The following FRMD4A variants were observed in gnomAD, a reference collection of about 807,000 sequenced individuals.
FRMD4A encodes the protein FERM domain-containing protein 4A.
FRMD4A carries 29 observed loss-of-function variants against 129.1 expected under a neutral mutation model. That is an observed-to-expected ratio of 0.22 (90% CI 0.17 to 0.31). The LOEUF (loss-of-function observed/expected upper bound fraction) is 0.31. Ranked by LOEUF, FRMD4A falls within the 10% of genes least tolerant of loss-of-function variation. FRMD4A has a pLI of 1.00. For missense variants in FRMD4A, 1,272 were observed against 1,375.8 expected (o/e 0.92, Z 1.19); for synonymous variants, 634 against 571.6 (o/e 1.11, Z -1.56).
chr10:14,038,134 A>G (rs1179389228), intron 2 of FRMD4A, among the ~76,000 whole-genome samples: 2 of 152,184 alleles, frequency 1.3e-5, no homozygotes, highest in African/African-American at 4.8e-5. Flanking sequence ...CATCCTGGCT[A>G]ACACAGTGAA....
At chr10:13,866,998 A>G (rs553619927) in intron 2 of FRMD4A, among the ~76,000 whole-genome samples, 6 of 152,316 alleles carry the variant, frequency 3.9e-5, no homozygotes, top group African/African-American at 1.2e-4. Context: ...TGTAATGGTT[A>G]CTACAGTGGA....
intron 2 of FRMD4A, among the ~76,000 whole-genome samples, chr10:14,312,806 C>T (rs1293728975): frequency 6.6e-6 from 1 of 152,080 alleles, no homozygotes; most frequent in Non-Finnish European, 1.5e-5. Flanking sequence ...ATGGAGGCTG[C>T]AGTGAGCTGC....
At chr10:14,202,928 C>G (rs1429643430) in intron 2 of FRMD4A, among the ~76,000 whole-genome samples, 1 of 152,122 alleles carries the variant, frequency 6.6e-6, no homozygotes. Flanking sequence ...CAGGCACCAC[C>G]AAGCCTGGCT....
intron 2 of FRMD4A, among the ~76,000 whole-genome samples, chr10:14,107,273 G>GA (rs762575413): frequency 4.0e-4 from 61 of 151,986 alleles, no homozygotes; most frequent in South Asian, 6.2e-4. Flanking sequence ...TGGCTGACAG[G>GA]ATCATTTATA....
chr10:13,947,108 A>G (rs898249988), intron 2 of FRMD4A, among the ~76,000 whole-genome samples: 2 of 152,148 alleles, frequency 1.3e-5, no homozygotes, highest in African/African-American at 4.8e-5. Flanking sequence ...ACCTGAAAGG[A>G]AGAATTGCAT....
intron 12 of FRMD4A, among the ~76,000 whole-genome samples, chr10:13,713,867 T>TAC (rs369124593): frequency 4.0e-5 from 1 of 25,208 alleles, no homozygotes; most frequent in Non-Finnish European, 7.6e-5. Flanking sequence ...ATAATATATA[T>TAC]ACATATATGT....
At chr10:14,111,033 ATTTTT>A (rs774908627) in intron 2 of FRMD4A, among the ~76,000 whole-genome samples, 41 of 152,174 alleles carry the variant, frequency 2.7e-4, no homozygotes, top group Admixed American at 4.6e-4. Flanking sequence ...TACCTTCTTT[ATTTTT>A]AAGTTCAGTA....
intron 2 of FRMD4A, among the ~76,000 whole-genome samples, chr10:14,195,979 T>C (rs1030587354): frequency 6.6e-6 from 1 of 152,232 alleles, no homozygotes; most frequent in Admixed American, 6.5e-5. Flanking sequence ...ATTATGTCTC[T>C]GCATGAGATT....
intron 12 of FRMD4A, 138 bp downstream of exon 12, chr10:13,737,706 G>A (rs1437360657): frequency 5.0e-6 from 3 of 595,514 alleles, no homozygotes; most frequent in East Asian, 2.8e-5. Context: ...TTGCTGTGGA[G>A]TAATTTGTAT....
chr10:13,776,133 C>T (rs543566499), intron 6 of FRMD4A, among the ~76,000 whole-genome samples: 8 of 152,074 alleles, frequency 5.3e-5, no homozygotes, highest in South Asian at 4.1e-4. Flanking sequence ...GACAAAGTCT[C>T]GCTCTGTCCA....
At chr10:14,265,948 A>T (rs1456835828) in intron 2 of FRMD4A, among the ~76,000 whole-genome samples, 1 of 152,104 alleles carries the variant, frequency 6.6e-6, no homozygotes, top group Non-Finnish European at 1.5e-5. Context: ...CATGGTAAAG[A>T]CCTTATCACA....
At chr10:14,238,451 T>C (rs1843910921) in intron 2 of FRMD4A, among the ~76,000 whole-genome samples, 1 of 152,210 alleles carries the variant, frequency 6.6e-6, no homozygotes, top group Non-Finnish European at 1.5e-5. Context: ...CTCCAAAGGA[T>C]CTTTTAACAT....
intron 2 of FRMD4A, among the ~76,000 whole-genome samples, chr10:14,080,265 C>T (rs1835851315): frequency 6.6e-6 from 1 of 152,122 alleles, no homozygotes; most frequent in Admixed American, 6.5e-5. Context: ...GAAGTATTTC[C>T]AAACAGCCCA....
intron 3 of FRMD4A, among the ~76,000 whole-genome samples, chr10:13,818,231 A>C (rs1446378606): frequency 3.6e-5 from 3 of 84,136 alleles, no homozygotes; most frequent in African/African-American, 1.2e-4. Context: ...GTGGTGCCAT[A>C]ATATCTCACT....
chr10:14,191,486 T>C (rs1238435212), intron 2 of FRMD4A, among the ~76,000 whole-genome samples: 1 of 152,182 alleles, frequency 6.6e-6, no homozygotes, highest in African/African-American at 2.4e-5. Flanking sequence ...TGACCCCTGG[T>C]CTCTCTGTCA....
chr10:13,958,526 G>T (rs1169338283), intron 2 of FRMD4A, among the ~76,000 whole-genome samples: 4 of 151,400 alleles, frequency 2.6e-5, no homozygotes, highest in Non-Finnish European at 5.9e-5. Flanking sequence ...CTTGTGATCC[G>T]CCCGCCTCGG....
intron 3 of FRMD4A, among the ~76,000 whole-genome samples, chr10:13,824,271 T>C (rs2093668524): frequency 7.5e-6 from 1 of 133,232 alleles, no homozygotes; most frequent in South Asian, 2.5e-4. Flanking sequence ...AGGTCAGGAG[T>C]TCAAGACCAG....
intron 2 of FRMD4A, among the ~76,000 whole-genome samples, chr10:14,037,579 A>G (rs1464217436): frequency 6.6e-6 from 1 of 152,166 alleles, no homozygotes; most frequent in Non-Finnish European, 1.5e-5. Flanking sequence ...TCAATGTGAA[A>G]ATGTTTTTGT....
intron 2 of FRMD4A, among the ~76,000 whole-genome samples, chr10:14,022,228 T>C (rs1400920969): frequency 6.6e-6 from 1 of 152,150 alleles, no homozygotes; most frequent in African/African-American, 2.4e-5. Context: ...TCCACGTGTC[T>C]AAGCTTCGCA....
Sources: gnomAD v4.1 joint callset for allele counts (sites outside exome capture counted in the v4.1 genomes callset) on GRCh38, gnomAD v4.1.1 for gene constraint, MANE v1.5 for transcripts, NCBI Gene and HGNC (gene_info 2026-07-23, HGNC 2026-07-21) for gene names.